Variants in PKHD1 observed in about 807,000 individuals in gnomAD.
PKHD1 encodes fibrocystin.
PKHD1 carries 291 observed loss-of-function variants against 412.0 expected under a neutral mutation model. The observed-to-expected ratio is 0.71, with a 90% CI of 0.64 to 0.78. The LOEUF (loss-of-function observed/expected upper bound fraction) is 0.78, where lower values mean the gene tolerates loss of function less well. Among genes scored for constraint, PKHD1 ranks in the 30% least tolerant of loss-of-function variants. PKHD1 has a pLI of 0.00. For missense variants in PKHD1, 4,825 were observed against 4,950.7 expected, an observed-to-expected ratio of 0.97 and a Z score of 0.76; for synonymous variants, 1,777 against 1,821.5, an observed-to-expected ratio of 0.98 and a Z score of 0.62.
At chr6:51,873,931 C>T (rs184319211) in intron 46 of PKHD1, among the ~76,000 whole-genome samples, 31 of 152,068 alleles carry the variant, frequency 2.0e-4, no homozygotes, top group Non-Finnish European at 2.4e-4. Flanking sequence ...GAAATAAATG[C>T]AAATATATGG....
intron 35 of PKHD1, among the ~76,000 whole-genome samples, chr6:51,998,388 G>A (rs1377546437): frequency 3.3e-5 from 5 of 152,188 alleles, no homozygotes; most frequent in Non-Finnish European, 7.3e-5. Context: ...GTCACAGAGG[G>A]AATAACTGCA....
intron 59 of PKHD1, 127 bp downstream of exon 59, chr6:51,746,594 C>G: frequency 1.4e-6 from 1 of 692,822 alleles, no homozygotes; most frequent in Non-Finnish European, 2.6e-6. Context: ...AGTTAATGTA[C>G]CTTACCATTC....
At chr6:51,801,639 T>TTGTGTGTGTGTATGTGTGTGTGTG (rs1762933008) in intron 52 of PKHD1, among the ~76,000 whole-genome samples, 1 of 120,138 alleles carries the variant, frequency 8.3e-6, no homozygotes, top group African/African-American at 3.1e-5. Context: ...GCTGGCCTGA[T>TTGTGTGTGTGTATGTGTGTGTGTG]TGTGTGTGTG....
intron 43 of PKHD1, among the ~76,000 whole-genome samples, chr6:51,897,619 C>A (rs12182535): frequency 0.022 from 3,158 of 144,036 alleles, 117 homozygotes; most frequent in African/African-American, 0.081. Flanking sequence ...CGAGCAAAAT[C>A]ACCAGCTAAC....
chr6:51,619,254 G>A lies in PKHD1; in HGVS notation c.12052C>T (p.Leu4018=), dbSNP rs2150239728. ...TGTCTGAAGTCTGGGCATAGCAGCA[G>A]CAGCTGATTTTGGCCTGCCAGCTGG... ...RYQLAGQNQL[L]LLCPDFRQER... is the part of the protein sequence containing the mutation. The change falls in exon 67 of 67, where the codon CTG becomes TTG. Residue 4018 remains leucine, a synonymous_variant. Transcript: ENST00000371117. 3.7e-6 allele frequency: 6 copies of A among 1,614,268 alleles called. No homozygotes were observed. Among genetic ancestry groups the A allele is most frequent in the African/African-American group, 1.3e-5 (1 of 75,084 alleles).
intron 35 of PKHD1, among the ~76,000 whole-genome samples, chr6:51,973,044 G>C (rs977366730): frequency 6.6e-6 from 1 of 152,004 alleles, no homozygotes; most frequent in African/African-American, 2.4e-5. Context: ...TATTAATATG[G>C]GAAGAAGCAG....
intron 64 of PKHD1, 35 bp from the exon 65 acceptor site, chr6:51,632,758 G>A: frequency 6.4e-7 from 1 of 1,551,258 alleles, no homozygotes; most frequent in Non-Finnish European, 8.9e-7. Flanking sequence ...TCAATGATAT[G>A]TTAATAAGAT....
At chr6:52,037,668 A>G (rs1581881703) in intron 27 of PKHD1, among the ~76,000 whole-genome samples, 1 of 152,358 alleles carries the variant, frequency 6.6e-6, no homozygotes, top group East Asian at 1.9e-4. Context: ...GGTAAGTGTC[A>G]AAAGGGTTGG....
intron 36 of PKHD1, among the ~76,000 whole-genome samples, chr6:51,950,405 G>C (rs905264499): frequency 1.3e-5 from 2 of 151,922 alleles, no homozygotes; most frequent in Non-Finnish European, 2.9e-5. Flanking sequence ...ACTGTTCTTT[G>C]CTAAAGGTCT....
rs554169314 is a variant in PKHD1 at position 51,748,489 on chromosome 6, C to G, written c.9127G>C (p.Val3043Leu). Residue 3043 changes from valine (V) to leucine (L), a missense_variant, in exon 58 of 67, where the codon GTG becomes CTG. Transcript: ENST00000371117. ...SHGVLLNDNI[V>L]FGTAGHGIDL... is the part of the protein sequence containing the mutation. ...ATGCCATGGCCAGCTGTGCCAAACA[C>G]AATATTGTCATTTAAAAGTACTCCA... The G allele has an allele frequency of 1.2e-6, 2 of 1,613,944 alleles. No homozygotes were observed. The highest frequency in any genetic ancestry group is 2.2e-5 in the South Asian group (2 of 91,082).
At chr6:52,051,743 C>T (rs937950115) in intron 21 of PKHD1, among the ~76,000 whole-genome samples, 1 of 144,836 alleles carries the variant, frequency 6.9e-6, no homozygotes, top group Non-Finnish European at 1.6e-5. Flanking sequence ...CTGAGTTTTC[C>T]AACTAGTGGA....
chr6:51,634,686 G>A (rs976133562), intron 64 of PKHD1, among the ~76,000 whole-genome samples: 3 of 152,096 alleles, frequency 2.0e-5, no homozygotes, highest in Non-Finnish European at 4.4e-5. Flanking sequence ...GATATGATTC[G>A]GGAAAGCATC....
chr6:51,948,605 T>C (rs1243331189), intron 36 of PKHD1, among the ~76,000 whole-genome samples: 1 of 152,240 alleles, frequency 6.6e-6, no homozygotes, highest in East Asian at 1.9e-4. Context: ...TTCACAGCCA[T>C]AGTCCCTGTG....
At chr6:51,976,476 C>T (rs571236808) in intron 35 of PKHD1, among the ~76,000 whole-genome samples, 1 of 152,112 alleles carries the variant, frequency 6.6e-6, no homozygotes, top group Non-Finnish European at 1.5e-5. Flanking sequence ...GTGGTAGTTG[C>T]CAGGTGCTGG....
chr6:51,801,530 G>T (rs1762908075), intron 52 of PKHD1, among the ~76,000 whole-genome samples: 1 of 150,950 alleles, frequency 6.6e-6, no homozygotes, highest in African/African-American at 2.4e-5. Flanking sequence ...TTTTCAAACT[G>T]GTCTTAAAAA....
chr6:51,759,978 G>A (rs1218084342), intron 55 of PKHD1, among the ~76,000 whole-genome samples: 1 of 151,932 alleles, frequency 6.6e-6, no homozygotes, highest in Non-Finnish European at 1.5e-5. Flanking sequence ...TAGTGAATTT[G>A]GCAATAGAAC....
At chr6:51,849,725 C>A (rs1433752192) in intron 49 of PKHD1, among the ~76,000 whole-genome samples, 1 of 152,092 alleles carries the variant, frequency 6.6e-6, no homozygotes, top group African/African-American at 2.4e-5. Context: ...CCTTTGCCCA[C>A]TTTTTGATGG....
At chr6:51,834,700 G>A (rs1409778598) in intron 51 of PKHD1, among the ~76,000 whole-genome samples, 2 of 152,136 alleles carry the variant, frequency 1.3e-5, no homozygotes, top group African/African-American at 4.8e-5. Context: ...TGTCTTGAAA[G>A]TATGTTATTT....
At chr6:51,646,470 GA>G (rs944922777) in intron 63 of PKHD1, among the ~76,000 whole-genome samples, 4 of 152,114 alleles carry the variant, frequency 2.6e-5, no homozygotes, top group Admixed American at 2.0e-4. Flanking sequence ...CAGGTAAGAA[GA>G]AAAAAACTCT....
Sources: allele counts gnomAD v4.1 joint callset (sites outside exome capture counted in the v4.1 genomes callset), GRCh38; gene constraint gnomAD v4.1.1; transcripts MANE v1.5; gene names NCBI Gene and HGNC (gene_info 2026-07-23, HGNC 2026-07-21).